PPP1R12B: variants seen among roughly 807,000 people sequenced by gnomAD.
PPP1R12B encodes protein phosphatase 1 regulatory subunit 12B, also known as myosin phosphatase target subunit 2.
In PPP1R12B, 76 loss-of-function variants were observed where a neutral mutation model predicts 126.1. The observed-to-expected ratio is 0.60, with a 90% CI of 0.50 to 0.73. The LOEUF (loss-of-function observed/expected upper bound fraction) is 0.73. Among genes scored for constraint, PPP1R12B ranks in the 30% least tolerant of loss-of-function variants. PPP1R12B has a pLI of 0.00. For synonymous variants in PPP1R12B, 356 were observed against 434.7 expected (o/e 0.82, Z 2.25); for missense variants, 1,052 against 1,205.1 (o/e 0.87, Z 1.88).
chr1:202,480,056 A>G (rs997682126), intron 13 of PPP1R12B, among the ~76,000 whole-genome samples: 16 of 152,210 alleles, frequency 1.1e-4, no homozygotes, highest in African/African-American at 3.9e-4. Context: ...AGACCAAAAG[A>G]AAAAATAGAC....
chr1:202,400,003 T>C (rs568652612), intron 1 of PPP1R12B, among the ~76,000 whole-genome samples: 1 of 151,864 alleles, frequency 6.6e-6, no homozygotes, highest in South Asian at 2.1e-4. Flanking sequence ...CCCTCTCCCT[T>C]TCTCTCTCCC....
At chr1:202,426,992 A>T in intron 4 of PPP1R12B, 48 bp from the exon 5 acceptor site, 1 of 1,578,716 alleles carries the variant, frequency 6.3e-7, no homozygotes, top group South Asian at 1.2e-5. Context: ...TTGCCAGAAA[A>T]TTGTAATATA....
Position 202,508,283 on chromosome 1 carries a change from A to G in PPP1R12B, c.2490+11461A>G, listed in dbSNP as rs1681049021. 1.3e-5 allele frequency among the ~76,000 whole-genome samples: 2 copies of G among 152,242 alleles called. No homozygotes were observed. Among genetic ancestry groups the G allele is most frequent in the African/African-American group, 4.8e-5 (2 of 41,472 alleles). ...TCCTTTAAGGTACATAAATGTTCAC[A>G]CAGATGTGCCTTCATAGAATATGTA... On this transcript the variant is annotated intron_variant, in intron 18 of 23. Transcript: ENST00000608999. This position sits in a 1 kb window ranked among gnomAD's most constrained non-coding sequence, Gnocchi z 4.5.
At chr1:202,534,930 T>C (rs1487774461) in intron 18 of PPP1R12B, among the ~76,000 whole-genome samples, 4 of 152,208 alleles carry the variant, frequency 2.6e-5, no homozygotes, top group African/African-American at 9.7e-5. Context: ...GATTTTCATT[T>C]GGATTCTTAC....
chr1:202,416,042 G>C (rs1668013012), intron 1 of PPP1R12B, among the ~76,000 whole-genome samples: 2 of 152,068 alleles, frequency 1.3e-5, no homozygotes, highest in African/African-American at 4.8e-5. Context: ...GCGATCCTCT[G>C]ATTATTTTCT....
chr1:202,557,262 G>A (rs1325907081), intron 18 of PPP1R12B, among the ~76,000 whole-genome samples: 1 of 152,154 alleles, frequency 6.6e-6, no homozygotes, highest in Non-Finnish European at 1.5e-5. Context: ...GGGATTACAG[G>A]TGTGAGCCAC....
rs144405246 is a variant in PPP1R12B at position 202,449,073 on chromosome 1, C to T, written c.1752C>T (p.Thr584=). 3 of 1,613,906 alleles carry T rather than the reference C, an allele frequency of 1.9e-6. No individual in the cohort carries two copies. In the Admixed American group the frequency reaches 5.0e-5, roughly 27 times the overall value. The change falls in exon 13 of 24, where the codon ACC becomes ACT. Residue 584 remains threonine (T), a synonymous_variant. Coordinates refer to ENST00000608999, the MANE Select transcript of PPP1R12B (RefSeq NM_002481.4). ...CTAGCACCCCGCTCTGTGTGATCAC[C>T]AATCGCCCTCTTCCTAGCACTGCCA... The part of the protein sequence containing the change: ...VSSSTPLCVI[T]NRPLPSTANG...
Position 202,385,420 on chromosome 1 carries a change from C to A in PPP1R12B, c.292-31367C>A, listed in dbSNP as rs1325051491. ...AAATATCTAAATTCAACTTCAGATTCAACATCTGGAAAAAAGAAGCTCATT... is the reference window on the plus strand; with the variant it reads ...AAATATCTAAATTCAACTTCAGATTAAACATCTGGAAAAAAGAAGCTCATT... On this transcript the variant is annotated intron_variant, in intron 1 of 23. Coordinates refer to ENST00000608999, the MANE Select transcript of PPP1R12B (RefSeq NM_002481.4). Among the ~76,000 whole-genome samples, 3 of 152,298 alleles carry A rather than the reference C, an allele frequency of 2.0e-5. No individual in the cohort carries two copies. The East Asian group carries it at 5.8e-4, about 29-fold the overall frequency.
chr1:202,588,845 A>AGATAGATAGAT lies in PPP1R12B; in HGVS notation c.*8286_*8296dup, dbSNP rs1033024246. On this transcript the variant is annotated 3_prime_UTR_variant, in exon 24 of 24. Coordinates refer to ENST00000608999, the MANE Select transcript of PPP1R12B (RefSeq NM_002481.4). ...CCGTAAGATAGATAGATAGATAGATAGATAGATAGATAGATAGATAGATAG... is the reference window on the plus strand; with the variant it reads ...CCGTAAGATAGATAGATAGATAGATAGATAGATAGATGATAGATAGATAGATAGATAGATAG... 3.5e-5 allele frequency: 5 copies of AGATAGATAGAT among 144,292 alleles called. No individual in the cohort carries two copies. Among genetic ancestry groups the AGATAGATAGAT allele is most frequent in the Non-Finnish European group, 7.4e-5 (5 of 67,342 alleles). 8.9% of individuals were successfully genotyped at this position (144,292 alleles called of 1,614,324 possible). A position where few individuals can be genotyped will look rare whatever the true frequency, so the allele number is the denominator to read the frequency against.
At chr1:202,511,044 CATAATATA>C (rs1275328704) in intron 18 of PPP1R12B, among the ~76,000 whole-genome samples, 1 of 145,564 alleles carries the variant, frequency 6.9e-6, no homozygotes, top group Non-Finnish European at 1.5e-5. Context: ...ACAATTATAT[CATAATATA>C]ATAATATATA....
intron 11 of PPP1R12B, among the ~76,000 whole-genome samples, chr1:202,442,037 T>C (rs556576563): frequency 6.6e-6 from 1 of 151,822 alleles, no homozygotes; most frequent in Non-Finnish European, 1.5e-5. Context: ...TTAGTAGAGA[T>C]GGGGTTTCAC....
chr1:202,553,105 G>A (rs1198328776), intron 18 of PPP1R12B, among the ~76,000 whole-genome samples: 1 of 152,142 alleles, frequency 6.6e-6, no homozygotes, highest in African/African-American at 2.4e-5. Flanking sequence ...AGATTATTAC[G>A]GGAGAATTTC....
chr1:202,506,324 A>G lies in PPP1R12B; in HGVS notation c.2490+9502A>G, dbSNP rs372788919. On this transcript the variant is annotated intron_variant, in intron 18 of 23. Coordinates refer to ENST00000608999, the MANE Select transcript of PPP1R12B (RefSeq NM_002481.4). The stretch of plus-strand genomic sequence containing the variant: ...TGTGTCTTGCTGTAGCCCAAGCTGT[A>G]TAAACCATCTTAAGAACAAAGTTTC... 5.3e-5 allele frequency among the ~76,000 whole-genome samples: 8 copies of G among 152,340 alleles called. No individual in the cohort carries two copies. In the East Asian group the frequency reaches 9.6e-4, roughly 18 times the overall value.
chr1:202,509,183 A>G (rs893815728), intron 18 of PPP1R12B, among the ~76,000 whole-genome samples: 7 of 129,400 alleles, frequency 5.4e-5, no homozygotes, highest in Non-Finnish European at 1.2e-4. Flanking sequence ...CACTTCTCTG[A>G]TAACTCAGCA....
At chr1:202,502,889 T>C (rs1161859249) in intron 18 of PPP1R12B, 1 of 152,148 alleles carries the variant, frequency 6.6e-6, no homozygotes, top group African/African-American at 2.4e-5. Flanking sequence ...TCTGGCATGC[T>C]TGAGGACAGG....
intron 1 of PPP1R12B, among the ~76,000 whole-genome samples, chr1:202,368,649 T>C (rs1258893562): frequency 2.0e-5 from 3 of 152,060 alleles, no homozygotes; most frequent in Non-Finnish European, 4.4e-5. Context: ...GTGTTGGCTG[T>C]ATTTTTCTTT....
At chr1:202,552,246 G>C (rs1267252723) in intron 18 of PPP1R12B, among the ~76,000 whole-genome samples, 1 of 152,114 alleles carries the variant, frequency 6.6e-6, no homozygotes, top group African/African-American at 2.4e-5. Flanking sequence ...TTTATTTCCA[G>C]ATTATGCAGG....
intron 10 of PPP1R12B, chr1:202,439,629 C>A (rs777513742): frequency 2.1e-5 from 17 of 818,076 alleles, no homozygotes; most frequent in Non-Finnish European, 3.3e-5. Flanking sequence ...CTCCATAACT[C>A]CCCCAGGCTC....
intron 1 of PPP1R12B, among the ~76,000 whole-genome samples, chr1:202,386,343 A>AT (rs1368841966): frequency 1.4e-5 from 2 of 142,132 alleles, no homozygotes; most frequent in Non-Finnish European, 3.1e-5. Context: ...TTATTTATTT[A>AT]TTTTTTGAGA....
Sources: allele counts gnomAD v4.1 joint callset (sites outside exome capture counted in the v4.1 genomes callset), GRCh38; gene constraint gnomAD v4.1.1; non-coding constraint Gnocchi (gnomAD v3.1); transcripts MANE v1.5; gene names NCBI Gene and HGNC (gene_info 2026-07-23, HGNC 2026-07-21).